Variants in TMEM219 observed in about 807,000 individuals in gnomAD.
TMEM219 encodes transmembrane protein 219.
Under a neutral mutation model 17.9 loss-of-function variants are expected in TMEM219, and 18 were observed. That is an observed-to-expected ratio of 1.01 (90% confidence interval 0.70 to 1.49). TMEM219 has a LOEUF of 1.49. Ranked by LOEUF, TMEM219 falls within the 40% of genes most tolerant of loss-of-function variation. The probability of loss-of-function intolerance (pLI) is 0.00; values close to 1 mark genes in which losing one functional copy is unlikely to be tolerated. For synonymous variants in TMEM219, 113 were observed against 124.0 expected, an observed-to-expected ratio of 0.91 and a Z score of 0.59; for missense variants, 288 against 292.4, an observed-to-expected ratio of 0.99 and a Z score of 0.11.
chr16:29,970,323 C>CT (rs869239268), intron 4 of TMEM219, among the ~76,000 whole-genome samples: 1,594 of 138,114 alleles, frequency 0.012, 25 homozygotes, highest in African/African-American at 0.031. Context: ...ACTGCTTGCA[C>CT]TTTTTTTTTT....
chr16:29,971,596 A>G lies in TMEM219; in HGVS notation c.*33+18A>G. The G allele has an allele frequency of 1.1e-6, 1 of 901,818 alleles. No individual in the cohort carries two copies. Among genetic ancestry groups the G allele is most frequent in the Admixed American group, 2.1e-5 (1 of 47,128 alleles). 55.9% of individuals were successfully genotyped at this position (901,818 alleles called of 1,614,324 possible). On this transcript the variant is annotated intron_variant, in intron 5 of 5. Transcript: ENST00000279396. The stretch of plus-strand genomic sequence containing the variant: ...TTTCTCAGGTGAGGTTCTTTGCTCC[A>G]GTCCTGCGGGAGCAGGGAATGGGGT...
At position 29,968,018 on chromosome 16, in the gene TMEM219, T is replaced by C; in HGVS notation, c.356-7T>C. The C allele has an allele frequency of 6.2e-7, 1 of 1,610,586 alleles. No individual in the cohort carries two copies. The highest frequency in any genetic ancestry group is 2.2e-5 in the East Asian group (1 of 44,842). ...TTCTTCCATTTTCTCTTCTGTGCCT[T>C]TCACAGGATCTTCTGCAGGACAACT... On this transcript the variant is annotated splice_region_variant and splice_polypyrimidine_tract_variant and intron_variant, in intron 3 of 5. Transcript: ENST00000279396.
intron 3 of TMEM219, 100 bp from the exon 4 acceptor site, chr16:29,967,924 CT>C: frequency 2.1e-6 from 2 of 930,526 alleles, no homozygotes; most frequent in Non-Finnish European, 3.3e-6. Flanking sequence ...GAGACTCCGC[CT>C]CAAAAAAAAA....
At chr16:29,964,333 AT>A (rs2069185640) in intron 3 of TMEM219, among the ~76,000 whole-genome samples, 1 of 151,314 alleles carries the variant, frequency 6.6e-6, no homozygotes, top group Admixed American at 6.6e-5. Flanking sequence ...AAAAAAAAAA[AT>A]TAGCCAGGCT....
Position 29,963,299 on chromosome 16 carries a change from C to T in TMEM219, c.156C>T (p.Asp52=). The T allele has an allele frequency of 1.2e-6, 2 of 1,614,092 alleles. No homozygotes were observed. The highest frequency in any genetic ancestry group is 8.5e-7 in the Non-Finnish European group (1 of 1,180,024). Residue 52 remains aspartate, a synonymous_variant, in exon 2 of 6, where the codon GAC becomes GAT. Transcript: ENST00000279396. The part of the protein sequence containing the change: ...LTHRTGLRSP[D]IPQDWVSFLR... ...ACAGGACTGGCCTGCGCAGCCCTGA[C>T]ATCCCCCAGGTAAGTTCCCCACCCC...
intron 3 of TMEM219, among the ~76,000 whole-genome samples, chr16:29,967,549 T>C (rs2069226540): frequency 6.6e-6 from 1 of 152,006 alleles, no homozygotes; most frequent in South Asian, 2.1e-4. Context: ...AGGTTGAGGC[T>C]CCCGTGAGCT....
At chr16:29,963,732 A>T in intron 3 of TMEM219, 143 bp downstream of exon 3, 2 of 759,292 alleles carry the variant, frequency 2.6e-6, no homozygotes, top group Non-Finnish European at 4.1e-6. Flanking sequence ...AAAATACAAA[A>T]ATTAGCCAGG....
chr16:29,963,400 G>A lies in TMEM219; in HGVS notation c.166G>A (p.Asp56Asn). ...TGLRSPDIPQ[D>N]WVSFLRSFGQ... ...CTCACCCGTCTTCTTTTGCTCACAGGACTGGGTCTCTTTTTTGAGATCTTT... is the reference window on the plus strand; with the variant it reads ...CTCACCCGTCTTCTTTTGCTCACAGAACTGGGTCTCTTTTTTGAGATCTTT... Residue 56 changes from aspartate to asparagine, a missense_variant and splice_region_variant, in exon 3 of 6, where the codon GAC becomes AAC. Asp to Asn is a conservative substitution (Grantham distance 23, BLOSUM62 1). Coordinates refer to ENST00000279396, the MANE Select transcript of TMEM219 (RefSeq NM_001083613.2). 1 of 1,614,138 alleles carries A rather than the reference G, an allele frequency of 6.2e-7. No individual in the cohort carries two copies. Among genetic ancestry groups the A allele is most frequent in the Non-Finnish European group, 8.5e-7 (1 of 1,179,976 alleles).
Position 29,971,513 on chromosome 16 carries a change from C to G in TMEM219, c.691C>G (p.Arg231Gly). 1.3e-6 allele frequency: 2 copies of G among 1,599,612 alleles called. No individual in the cohort carries two copies. Among genetic ancestry groups the G allele is most frequent in the Non-Finnish European group, 1.7e-6 (2 of 1,171,398 alleles). The part of the protein sequence containing the change: ...CVTAMCFHPR[R>G]ESHWSRTRL ...CACTGCTATGTGCTTCCACCCGCGC[C>G]GGGAGTCCCACTGGTCTAGAACCCG... Residue 231 changes from arginine to glycine, a missense_variant, in exon 5 of 6, where the codon CGG (arginine) becomes GGG (glycine). Physicochemically the swap from Arg to Gly is moderately radical, Grantham distance 125 (BLOSUM62 -2). Transcript: ENST00000279396.
intron 3 of TMEM219, among the ~76,000 whole-genome samples, chr16:29,964,795 C>G (rs1448384691): frequency 6.6e-6 from 1 of 152,212 alleles, no homozygotes; most frequent in Non-Finnish European, 1.5e-5. Flanking sequence ...GGGCACATCC[C>G]TGGACTTTAG....
In TMEM219 at chr16:29,963,288, C is replaced by G. The variant is rs755144294; in HGVS notation, c.145C>G (p.Arg49Gly). Residue 49 changes from arginine to glycine, a missense_variant, in exon 2 of 6, where the codon CGC becomes GGC. Arg to Gly is a moderately radical substitution (Grantham distance 125). Coordinates refer to ENST00000279396, the MANE Select transcript of TMEM219 (RefSeq NM_001083613.2). ...CCTCCTCACCCACAGGACTGGCCTG[C>G]GCAGCCCTGACATCCCCCAGGTAAG... ...SFLLTHRTGL[R>G]SPDIPQDWVS... 1 of 1,614,162 alleles carries G rather than the reference C, an allele frequency of 6.2e-7. No homozygotes were observed. Among genetic ancestry groups the G allele is most frequent in the Admixed American group, 1.7e-5 (1 of 60,028 alleles).
In TMEM219 at chr16:29,963,225, C is replaced by T. The variant is rs139432501; in HGVS notation, c.82C>T (p.Leu28=). The T allele has an allele frequency of 7.5e-5, 121 of 1,614,054 alleles. No homozygotes were observed. In the African/African-American group the frequency reaches 1.5e-3, roughly 20 times the overall value. Residue 28 remains leucine, a synonymous_variant, in exon 2 of 6, where the codon CTG becomes TTG. Coordinates refer to ENST00000279396, the MANE Select transcript of TMEM219 (RefSeq NM_001083613.2). ...TCTGGTCTGTGCCACTTTGATCCTG[C>T]TGCTCCTTGGCCTCTCTGGCCTGGG... ...PPLVCATLIL[L]LLGLSGLGLG... is the part of the protein sequence containing the mutation.
intron 1 of TMEM219, 26 bp downstream of exon 1, chr16:29,962,158 G>A (rs1448448430): frequency 6.6e-6 from 1 of 152,054 alleles, no homozygotes; most frequent in South Asian, 2.1e-4. Context: ...TGGCGGATCC[G>A]ACGCGCGAGA....
At chr16:29,962,483 C>G (rs1043351214) in intron 1 of TMEM219, among the ~76,000 whole-genome samples, 1 of 152,138 alleles carries the variant, frequency 6.6e-6, no homozygotes, top group Non-Finnish European at 1.5e-5. Flanking sequence ...CCCTACCCCT[C>G]CTGTGTTAAA....
Position 29,966,141 on chromosome 16 carries a change from T to G in TMEM219, c.356-1884T>G, listed in dbSNP as rs150544461. Among the ~76,000 whole-genome samples the G allele has an allele frequency of 3.9e-3, 593 of 152,332 alleles. 10 individuals carry two copies. Among genetic ancestry groups the G allele is most frequent in the African/African-American group, 0.013 (530 of 41,572 alleles). On this transcript the variant is annotated intron_variant, in intron 3 of 5. Transcript: ENST00000279396. ...TGCCTCACCTCCCAAAGTGCTGGGA[T>G]TACAGGCATGAGCTACCGGGTCTGG...
intron 5 of TMEM219, 21 bp downstream of exon 5, chr16:29,971,599 C>A: frequency 2.6e-6 from 4 of 1,566,240 alleles, no homozygotes; most frequent in South Asian, 2.2e-5. Flanking sequence ...TTGCTCCAGT[C>A]CTGCGGGAGC....
At chr16:29,962,600 A>C (rs1254596474) in intron 1 of TMEM219, 4 of 153,702 alleles carry the variant, frequency 2.6e-5, no homozygotes, top group African/African-American at 9.6e-5. Context: ...GAATTCCTGC[A>C]TGGCCAAATA....
chr16:29,967,253 T>A (rs927901581), intron 3 of TMEM219, among the ~76,000 whole-genome samples: 10 of 152,164 alleles, frequency 6.6e-5, no homozygotes, highest in Non-Finnish European at 1.3e-4. Flanking sequence ...TAAATAATGG[T>A]ATATGGAATA....
chr16:29,966,953 T>C (rs1159432167), intron 3 of TMEM219, among the ~76,000 whole-genome samples: 1 of 152,214 alleles, frequency 6.6e-6, no homozygotes, highest in Admixed American at 6.5e-5. Flanking sequence ...GCTATGTTTT[T>C]TTCTACATGG....
Sources: allele counts gnomAD v4.1 joint callset (sites outside exome capture counted in the v4.1 genomes callset), GRCh38; gene constraint gnomAD v4.1.1; transcripts MANE v1.5; gene names NCBI Gene and HGNC (gene_info 2026-07-23, HGNC 2026-07-21).